Variants in ARIH2 observed in about 807,000 individuals in gnomAD.
The protein encoded by ARIH2 is E3 ubiquitin-protein ligase ARIH2.
In ARIH2, 12 loss-of-function variants were observed where a neutral mutation model predicts 79.8. The observed-to-expected ratio is 0.15, with a 90% CI of 0.10 to 0.24. The LOEUF is 0.24. Among genes scored for constraint, ARIH2 ranks in the 10% least tolerant of loss-of-function variants. The pLI, the probability that ARIH2 is intolerant of heterozygous loss-of-function variation, is 1.00. For missense variants in ARIH2, 301 were observed against 618.3 expected, an observed-to-expected ratio of 0.49 and a Z score of 5.44; for synonymous variants, 224 against 213.9, an observed-to-expected ratio of 1.05 and a Z score of -0.41.
rs969771957 is a variant in ARIH2 at position 48,931,169 on chromosome 3, C to T, written c.255+3356C>T. On this transcript the variant is annotated intron_variant, in intron 3 of 15. Transcript: ENST00000356401. Reference sequence around the variant, plus strand: ...TAGCATGATCATAGCTCACTGTACCCTCAAACTCCTGGGTTCCAAGCTATC... The same window carrying T: ...TAGCATGATCATAGCTCACTGTACCTTCAAACTCCTGGGTTCCAAGCTATC... Among the ~76,000 whole-genome samples the T allele has an allele frequency of 5.3e-5, 8 of 152,168 alleles. No homozygotes were observed. The East Asian group carries it at 1.3e-3, about 26-fold the overall frequency.
At chr3:48,945,246 A>T in intron 3 of ARIH2, 2 of 1,261,336 alleles carry the variant, frequency 1.6e-6, no homozygotes, top group Non-Finnish European at 2.1e-6. Flanking sequence ...CTGGGGGAAA[A>T]GTCTATTTGC....
intron 3 of ARIH2, among the ~76,000 whole-genome samples, chr3:48,953,306 C>A (rs925354501): frequency 6.6e-6 from 1 of 152,190 alleles, no homozygotes; most frequent in Non-Finnish European, 1.5e-5. Context: ...GAATTAAAAT[C>A]AGGAATAATC....
At chr3:48,963,146 G>A (rs1161031742) in intron 4 of ARIH2, among the ~76,000 whole-genome samples, 1 of 152,182 alleles carries the variant, frequency 6.6e-6, no homozygotes, top group Non-Finnish European at 1.5e-5. Context: ...GCACAGTCAG[G>A]AAAGAGCAAA....
Position 48,938,100 on chromosome 3 carries a change from G to C in ARIH2, c.255+10287G>C, listed in dbSNP as rs564384613. ...TGTCCTTTTTGATGATGAGAAATGG[G>C]GTTTCACCAGGTTGGCCAGGCTGTC... On this transcript the variant is annotated intron_variant, in intron 3 of 15. Coordinates refer to ENST00000356401, the MANE Select transcript of ARIH2 (RefSeq NM_006321.4). 9.9e-5 allele frequency among the ~76,000 whole-genome samples: 15 copies of C among 151,902 alleles called. 1 individual carries two copies. The South Asian group carries it at 2.9e-3, about 29-fold the overall frequency.
intron 3 of ARIH2, among the ~76,000 whole-genome samples, chr3:48,945,587 C>T (rs2107304216): frequency 6.6e-6 from 1 of 152,218 alleles, no homozygotes; most frequent in South Asian, 2.1e-4. Context: ...TTACCATTTC[C>T]TTCAGTAGCA....
chr3:48,974,281 A>G (rs1317318346), intron 9 of ARIH2, among the ~76,000 whole-genome samples: 3 of 152,202 alleles, frequency 2.0e-5, no homozygotes, highest in African/African-American at 7.2e-5. Flanking sequence ...GTGCACTCAC[A>G]AGCACAGTTA....
chr3:48,970,726 G>T, intron 8 of ARIH2, 22 bp downstream of exon 8: 2 of 1,579,792 alleles, frequency 1.3e-6, no homozygotes, highest in South Asian at 2.2e-5. Context: ...TGTGAGTGCT[G>T]AGCAGCCCTG....
rs533890492 is a variant in ARIH2, at chr3:48,947,332, T to C, written c.256-14280T>C. Among the ~76,000 whole-genome samples the C allele has an allele frequency of 2.4e-3, 366 of 151,498 alleles. 3 individuals carry two copies. The highest frequency in any genetic ancestry group is 8.4e-3 in the African/African-American group (348 of 41,264). On this transcript the variant is annotated intron_variant, in intron 3 of 15. Coordinates refer to ENST00000356401, the MANE Select transcript of ARIH2 (RefSeq NM_006321.4). ...AGCGCATGCCTATAATCCCAGCTAC[T>C]CGGGAGGCTGAGGCAGGAGAATCGC... is the stretch of plus-strand genomic sequence containing the variant.
rs2092819566 is a variant in ARIH2 at position 48,983,424 on chromosome 3, G to C, written c.*154G>C. The C allele has an allele frequency of 2.9e-6, 2 of 699,538 alleles. No individual in the cohort carries two copies. The highest frequency in any genetic ancestry group is 3.5e-5 in the African/African-American group (2 of 57,034). The allele number at this position is 699,538 out of a possible 1,614,324, so 43.3% of individuals were successfully genotyped here. On this transcript the variant is annotated 3_prime_UTR_variant, in exon 16 of 16. Coordinates refer to ENST00000356401, the MANE Select transcript of ARIH2 (RefSeq NM_006321.4). The stretch of plus-strand genomic sequence containing the variant: ...TGGCAACACCTCTTAGTTGATTTCT[G>C]TTTTCTTCTCTTTTCACTTTTTGTT...
intron 2 of ARIH2, among the ~76,000 whole-genome samples, chr3:48,923,745 C>T (rs1202825182): frequency 5.3e-5 from 8 of 151,912 alleles, no homozygotes; most frequent in Admixed American, 5.3e-4. Context: ...GGCCTTGAAC[C>T]CCCGACCTTA....
Position 48,983,465 on chromosome 3 carries a change from G to A in ARIH2, c.*195G>A. The A allele has an allele frequency of 1.6e-6, 1 of 609,146 alleles. No individual in the cohort carries two copies. The highest frequency in any genetic ancestry group is 2.9e-6 in the Non-Finnish European group (1 of 344,088). 37.7% of individuals were successfully genotyped at this position (609,146 alleles called of 1,614,324 possible). On this transcript the variant is annotated 3_prime_UTR_variant, in exon 16 of 16. Coordinates refer to ENST00000356401, the MANE Select transcript of ARIH2 (RefSeq NM_006321.4). ...ACTTTTTGTTTCTACCAGGGTAGAG[G>A]CCATGTTGAACTGGCCTCTTTTCAG... is the stretch of plus-strand genomic sequence containing the variant.
At chr3:48,937,614 A>G (rs2087340822) in intron 3 of ARIH2, among the ~76,000 whole-genome samples, 1 of 152,108 alleles carries the variant, frequency 6.6e-6, no homozygotes, top group South Asian at 2.1e-4. Context: ...GTTGCTTTTT[A>G]ATATGTCTAA....
chr3:48,976,830 G>A (rs958779238), intron 11 of ARIH2, among the ~76,000 whole-genome samples: 1 of 152,186 alleles, frequency 6.6e-6, no homozygotes. Context: ...CTTGAACCCC[G>A]GAGGTGGAGG....
At chr3:48,941,974 C>T (rs2107244306) in intron 3 of ARIH2, among the ~76,000 whole-genome samples, 2 of 152,006 alleles carry the variant, frequency 1.3e-5, no homozygotes, top group South Asian at 4.2e-4. Flanking sequence ...CACCCTCCGC[C>T]CCCCGAGTTC....
At chr3:48,974,656 CT>C in intron 9 of ARIH2, 160 bp from the exon 10 acceptor site, 1 of 691,418 alleles carries the variant, frequency 1.4e-6, no homozygotes, top group South Asian at 1.6e-5. Context: ...CCTTGAATTG[CT>C]GTTCCAGCCT....
chr3:48,928,340 T>C (rs908243418), intron 3 of ARIH2, among the ~76,000 whole-genome samples: 8 of 152,192 alleles, frequency 5.3e-5, no homozygotes, highest in Admixed American at 3.9e-4. Flanking sequence ...GGTGTTAGTA[T>C]GGAAATTGTA....
At position 48,971,286 on chromosome 3, in the gene ARIH2, C is replaced by G. The variant is rs1480924042; in HGVS notation, c.770+582C>G. On this transcript the variant is annotated intron_variant, in intron 8 of 15. Coordinates refer to ENST00000356401, the MANE Select transcript of ARIH2 (RefSeq NM_006321.4). ...TTGAGACGGAGTCTTTCTCTGTAGC[C>G]CAGGCTGGAGTGCAGTGGCACATAC... Among the ~76,000 whole-genome samples, 8 of 152,140 alleles carry G rather than the reference C, an allele frequency of 5.3e-5. No homozygotes were observed. In the East Asian group the frequency reaches 1.5e-3, roughly 29 times the overall value.
intron 3 of ARIH2, among the ~76,000 whole-genome samples, chr3:48,958,023 GT>G (rs998620620): frequency 1.3e-5 from 2 of 152,050 alleles, no homozygotes; most frequent in African/African-American, 4.8e-5. Context: ...CCCACTTCAT[GT>G]TTTTTAAAAC....
At chr3:48,950,820 T>C (rs1324658686) in intron 3 of ARIH2, among the ~76,000 whole-genome samples, 2 of 152,084 alleles carry the variant, frequency 1.3e-5, no homozygotes, top group Non-Finnish European at 2.9e-5. Flanking sequence ...TTAGGTTAAA[T>C]AAAATAAATT....
Sources: allele counts gnomAD v4.1 joint callset (sites outside exome capture counted in the v4.1 genomes callset), GRCh38; gene constraint gnomAD v4.1.1; transcripts MANE v1.5; gene names NCBI Gene and HGNC (gene_info 2026-07-23, HGNC 2026-07-21).